Variants in ANKRD13C observed in about 807,000 individuals in gnomAD.
The protein encoded by ANKRD13C is ankyrin repeat domain 13C.
A neutral mutation model predicts 65.5 loss-of-function variants in ANKRD13C; 16 were observed. That is an observed-to-expected ratio of 0.24 (90% CI 0.17 to 0.37). The LOEUF (loss-of-function observed/expected upper bound fraction) is 0.37, where lower values mean the gene tolerates loss of function less well. Among genes scored for constraint, ANKRD13C ranks in the 10% least tolerant of loss-of-function variants. The pLI, the probability that ANKRD13C is intolerant of heterozygous loss-of-function variation, is 1.00. For missense variants in ANKRD13C, 503 were observed against 655.9 expected, an observed-to-expected ratio of 0.77 and a Z score of 2.55; for synonymous variants, 235 against 238.7, an observed-to-expected ratio of 0.98 and a Z score of 0.14.
At chr1:70,351,212 C>G (rs1197661900) in intron 1 of ANKRD13C, among the ~76,000 whole-genome samples, 1 of 152,094 alleles carries the variant, frequency 6.6e-6, no homozygotes, top group Admixed American at 6.5e-5. Flanking sequence ...TAAATTGTGT[C>G]TATAATAAGG....
chr1:70,336,897 A>G (rs954065279), intron 1 of ANKRD13C, among the ~76,000 whole-genome samples: 1 of 152,236 alleles, frequency 6.6e-6, no homozygotes, highest in African/African-American at 2.4e-5. Flanking sequence ...TGACGAATTT[A>G]ATTTCAAAAT....
chr1:70,305,209 T>C (rs1303761439), intron 6 of ANKRD13C, among the ~76,000 whole-genome samples: 11 of 152,200 alleles, frequency 7.2e-5, no homozygotes, highest in African/African-American at 2.7e-4. Flanking sequence ...CAACTAAAAG[T>C]TATTGCTTCA....
chr1:70,294,093 G>C (rs1382691586), intron 8 of ANKRD13C, among the ~76,000 whole-genome samples: 2 of 152,142 alleles, frequency 1.3e-5, no homozygotes, highest in Non-Finnish European at 2.9e-5. Context: ...ACATGTACTG[G>C]TAAGAGAAGA....
At position 70,330,120 on chromosome 1, in the gene ANKRD13C, A is replaced by C. The variant is rs139442311; in HGVS notation, c.473-5163T>G. On this transcript the variant is annotated intron_variant, in intron 2 of 12. Transcript: ENST00000370944. The stretch of plus-strand genomic sequence containing the variant: ...AAAAAAAAACAACCAGATCAATCGA[A>C]TGTCTTCTCTCAGTAATGTTAACAA... Among the ~76,000 whole-genome samples the C allele has an allele frequency of 2.9e-3, 447 of 152,096 alleles. 6 individuals are homozygous for C. The highest frequency in any genetic ancestry group is 0.01 in the African/African-American group (435 of 41,526).
chr1:70,328,040 G>A (rs566318205), intron 2 of ANKRD13C, among the ~76,000 whole-genome samples: 5 of 151,996 alleles, frequency 3.3e-5, no homozygotes, highest in Non-Finnish European at 7.4e-5. Flanking sequence ...GCGAGACTCC[G>A]ACTCAAAAAC....
intron 5 of ANKRD13C, among the ~76,000 whole-genome samples, chr1:70,310,227 C>T (rs1195391308): frequency 2.0e-5 from 3 of 152,122 alleles, no homozygotes; most frequent in Non-Finnish European, 4.4e-5. Context: ...AGTAAACTCA[C>T]CCTGATTTCA....
intron 12 of ANKRD13C, 96 bp from the exon 13 acceptor site, chr1:70,262,943 T>TAATA (rs753313632): frequency 4.6e-6 from 2 of 438,450 alleles, no homozygotes; most frequent in African/African-American, 5.0e-5. Flanking sequence ...CCTTAAAATG[T>TAATA]AAAAAAAAAA....
rs1005301607 is a variant in ANKRD13C at position 70,320,621 on chromosome 1, C to T, written c.577+4232G>A. Among the ~76,000 whole-genome samples, 9 of 151,506 alleles carry T rather than the reference C, an allele frequency of 5.9e-5. No individual in the cohort carries two copies. In the South Asian group the frequency reaches 1.0e-3, roughly 18 times the overall value. ...AAGTGCTGGGATTATAGGCATGCCCCACCACACCTGACCCAACAGTGGTTA... is the reference window on the plus strand; with the variant it reads ...AAGTGCTGGGATTATAGGCATGCCCTACCACACCTGACCCAACAGTGGTTA... On this transcript the variant is annotated intron_variant, in intron 3 of 12. Transcript: ENST00000370944.
chr1:70,350,318 G>A (rs1385557641), intron 1 of ANKRD13C, among the ~76,000 whole-genome samples: 3 of 151,808 alleles, frequency 2.0e-5, no homozygotes, highest in South Asian at 2.1e-4. Flanking sequence ...TCTACTAAAC[G>A]ATGATGATGA....
rs750066829 is a variant in ANKRD13C at position 70,354,100 on chromosome 1, G to C, written c.309C>G (p.Val103=). 1.2e-6 allele frequency: 2 copies of C among 1,612,506 alleles called. No individual in the cohort carries two copies. Among genetic ancestry groups the C allele is most frequent in the East Asian group, 4.5e-5 (2 of 44,842 alleles). Residue 103 remains valine (V), a synonymous_variant, in exon 1 of 13, where the codon GTC becomes GTG. Coordinates refer to ENST00000370944, the MANE Select transcript of ANKRD13C (RefSeq NM_030816.5). ...CGGGGCAACTGCCTCCATCCGCGAC[G>C]ACAGCAACGGGGTTGGTGCCGGCCA... is the stretch of plus-strand genomic sequence containing the variant. ...ALLAGTNPVA[V]VADGGSCPAH... is the part of the protein sequence containing the mutation.
At chr1:70,271,010 C>T in intron 11 of ANKRD13C, 54 bp from the exon 12 acceptor site, 1 of 1,153,366 alleles carries the variant, frequency 8.7e-7, no homozygotes, top group Non-Finnish European at 1.3e-6. Flanking sequence ...GCCTTGTGTC[C>T]TTATGCTTTT....
intron 9 of ANKRD13C, among the ~76,000 whole-genome samples, chr1:70,290,204 A>G (rs922470962): frequency 3.3e-5 from 5 of 152,112 alleles, no homozygotes; most frequent in African/African-American, 1.2e-4. Context: ...GATTCACTCA[A>G]TATATGATCT....
At chr1:70,339,472 A>G (rs540333795) in intron 1 of ANKRD13C, among the ~76,000 whole-genome samples, 94 of 151,124 alleles carry the variant, frequency 6.2e-4, no homozygotes, top group African/African-American at 2.3e-3. Context: ...GTGCCCACCA[A>G]CATACCCGGC....
chr1:70,266,333 G>A (rs996111938), intron 12 of ANKRD13C, among the ~76,000 whole-genome samples: 1 of 152,038 alleles, frequency 6.6e-6, no homozygotes, highest in Non-Finnish European at 1.5e-5. Context: ...TCTTTTTATT[G>A]GTGAATAGTA....
At position 70,310,646 on chromosome 1, in the gene ANKRD13C, TA is replaced by T. The variant is rs1680810366; in HGVS notation, c.709+3098del. Among the ~76,000 whole-genome samples, 8 of 152,238 alleles carry T rather than the reference TA, an allele frequency of 5.3e-5. No individual in the cohort carries two copies. In the South Asian group the frequency reaches 1.7e-3, roughly 31 times the overall value. On this transcript the variant is annotated intron_variant, in intron 5 of 12. Coordinates refer to ENST00000370944, the MANE Select transcript of ANKRD13C (RefSeq NM_030816.5). Reference sequence around the variant, plus strand: ...GCATGTATTTATATTTTAGTATAATTAAAATATCACTTTTAAAATATTTTAT... The same window carrying T: ...GCATGTATTTATATTTTAGTATAATTAAATATCACTTTTAAAATATTTTAT...
chr1:70,340,761 T>C (rs973638528), intron 1 of ANKRD13C, among the ~76,000 whole-genome samples: 2 of 152,196 alleles, frequency 1.3e-5, no homozygotes, highest in African/African-American at 2.4e-5. Context: ...TTTTGGTTAA[T>C]TGAACCACTT....
rs144733444 is a variant in ANKRD13C at position 70,306,258 on chromosome 1, C to A, written c.742G>T (p.Ala248Ser). ...PLLSRILPSDACKIYKQGINI... is the reference protein window; with the variant it reads ...PLLSRILPSDSCKIYKQGINI... ...ATACCTTGTTTGTATATTTTACATG[C>A]ATCGGAAGGCAGAATTCGGGAAAGT... Residue 248 changes from alanine (A) to serine (S), a missense_variant, in exon 6 of 13, where the codon GCA becomes TCA. Transcript: ENST00000370944. The A allele has an allele frequency of 6.3e-7, 1 of 1,581,918 alleles. No individual in the cohort carries two copies. Among genetic ancestry groups the A allele is most frequent in the Admixed American group, 1.7e-5 (1 of 58,042 alleles).
intron 9 of ANKRD13C, among the ~76,000 whole-genome samples, chr1:70,278,574 A>G (rs1558266541): frequency 6.6e-6 from 1 of 152,164 alleles, no homozygotes; most frequent in Non-Finnish European, 1.5e-5. Context: ...TTTTTTTTCA[A>G]TTGCTAATGA....
chr1:70,277,406 G>A (rs1246714186), intron 9 of ANKRD13C, among the ~76,000 whole-genome samples: 2 of 149,342 alleles, frequency 1.3e-5, no homozygotes, highest in Non-Finnish European at 3.0e-5. Flanking sequence ...GCAGTGAGCC[G>A]AGATCGTGCC....
Sources: allele counts gnomAD v4.1 joint callset (sites outside exome capture counted in the v4.1 genomes callset), GRCh38; gene constraint gnomAD v4.1.1; transcripts MANE v1.5; gene names NCBI Gene and HGNC (gene_info 2026-07-23, HGNC 2026-07-21).